Variants in CLSTN2 observed in about 807,000 individuals in gnomAD.
CLSTN2 encodes calsyntenin-2.
Under a neutral mutation model 101.2 loss-of-function variants are expected in CLSTN2, and 48 were observed. The observed-to-expected ratio is 0.47, with a 90% CI of 0.38 to 0.60. The LOEUF (loss-of-function observed/expected upper bound fraction) is 0.60. Ranked by LOEUF, CLSTN2 falls within the 20% of genes least tolerant of loss-of-function variation. CLSTN2 has a pLI of 0.00. For missense variants in CLSTN2, 1,160 were observed against 1,238.2 expected, an observed-to-expected ratio of 0.94 and a Z score of 0.95; for synonymous variants, 481 against 463.6, an observed-to-expected ratio of 1.04 and a Z score of -0.48.
At chr3:140,325,519 A>T (rs1178560575) in intron 2 of CLSTN2, among the ~76,000 whole-genome samples, 1 of 152,164 alleles carries the variant, frequency 6.6e-6, no homozygotes. Flanking sequence ...GTAAAAGTGG[A>T]GGTTCCTCTT....
At chr3:140,104,231 C>G (rs1388921303) in intron 1 of CLSTN2, among the ~76,000 whole-genome samples, 1 of 152,162 alleles carries the variant, frequency 6.6e-6, no homozygotes, top group Non-Finnish European at 1.5e-5. Flanking sequence ...ACAGACAGTT[C>G]CTCCCACCTG....
intron 1 of CLSTN2, among the ~76,000 whole-genome samples, chr3:139,946,860 C>A (rs1042312828): frequency 6.6e-6 from 1 of 152,194 alleles, no homozygotes; most frequent in Non-Finnish European, 1.5e-5. Context: ...CTGGAGATAA[C>A]TATGCACCCA....
At chr3:140,123,324 A>C (rs923877618) in intron 1 of CLSTN2, among the ~76,000 whole-genome samples, 1 of 152,090 alleles carries the variant, frequency 6.6e-6, no homozygotes, top group African/African-American at 2.4e-5. Context: ...TGAAGGGCCC[A>C]TCATGAACAC....
intron 1 of CLSTN2, among the ~76,000 whole-genome samples, chr3:139,953,665 C>T (rs1237764072): frequency 6.6e-6 from 1 of 152,204 alleles, no homozygotes; most frequent in Admixed American, 6.5e-5. Flanking sequence ...CCCTCTCCCT[C>T]AGGTGGGAGG....
chr3:140,476,315 T>C (rs1208330929), intron 8 of CLSTN2, among the ~76,000 whole-genome samples: 2 of 152,198 alleles, frequency 1.3e-5, no homozygotes, highest in South Asian at 4.1e-4. Flanking sequence ...GAACCAGCAT[T>C]TTTTCAGTTC....
chr3:140,528,220 A>G (rs1401898690), intron 8 of CLSTN2, among the ~76,000 whole-genome samples: 1 of 152,202 alleles, frequency 6.6e-6, no homozygotes, highest in Non-Finnish European at 1.5e-5. Flanking sequence ...ACTGAAAAGC[A>G]TGTTCCAAGA....
At chr3:140,021,513 G>A (rs921732101) in intron 1 of CLSTN2, among the ~76,000 whole-genome samples, 1 of 152,178 alleles carries the variant, frequency 6.6e-6, no homozygotes, top group African/African-American at 2.4e-5. Flanking sequence ...CCCTGTCAGA[G>A]TTAGAACCAC....
intron 1 of CLSTN2, among the ~76,000 whole-genome samples, chr3:140,059,718 A>G (rs2008164905): frequency 6.6e-6 from 1 of 152,196 alleles, no homozygotes; most frequent in Non-Finnish European, 1.5e-5. Context: ...AGCTGAAGTG[A>G]GCCTACTCCC....
intron 1 of CLSTN2, among the ~76,000 whole-genome samples, chr3:140,130,464 C>A (rs1312227739): frequency 1.3e-5 from 2 of 152,108 alleles, no homozygotes; most frequent in African/African-American, 4.8e-5. Context: ...GGACATCATG[C>A]CTTTAGGGAA....
At chr3:140,523,645 C>T (rs187586617) in intron 8 of CLSTN2, among the ~76,000 whole-genome samples, 1 of 152,330 alleles carries the variant, frequency 6.6e-6, no homozygotes, top group African/African-American at 2.4e-5. Flanking sequence ...CCTCACTTCA[C>T]ATGTGAGGCT....
chr3:140,412,290 C>G (rs891931461), intron 4 of CLSTN2, among the ~76,000 whole-genome samples: 1 of 152,214 alleles, frequency 6.6e-6, no homozygotes, highest in African/African-American at 2.4e-5. Context: ...ACTGGGATTA[C>G]AGGTGTGAGC....
At chr3:140,503,155 C>A (rs555516560) in intron 8 of CLSTN2, among the ~76,000 whole-genome samples, 8 of 152,272 alleles carry the variant, frequency 5.3e-5, no homozygotes, top group African/African-American at 1.9e-4. Context: ...CTTTGTGTAG[C>A]ATTGGACCCA....
At chr3:140,238,107 G>C (rs918825932) in intron 2 of CLSTN2, among the ~76,000 whole-genome samples, 2 of 152,158 alleles carry the variant, frequency 1.3e-5, no homozygotes, top group Non-Finnish European at 2.9e-5. Flanking sequence ...AATCATGGAT[G>C]CTTTTTAAGG....
chr3:140,348,498 G>A (rs77180832), intron 2 of CLSTN2, among the ~76,000 whole-genome samples: 5,540 of 152,166 alleles, frequency 0.036, 118 homozygotes, highest in South Asian at 0.073. Flanking sequence ...CCACCATCAG[G>A]CATCAGCATC....
At chr3:140,326,470 AG>A (rs887913330) in intron 2 of CLSTN2, among the ~76,000 whole-genome samples, 1 of 152,218 alleles carries the variant, frequency 6.6e-6, no homozygotes, top group African/African-American at 2.4e-5. Flanking sequence ...CATAGAACCA[AG>A]GGAAAAAGAA....
intron 1 of CLSTN2, among the ~76,000 whole-genome samples, chr3:140,141,325 G>A (rs966292709): frequency 2.0e-5 from 3 of 152,156 alleles, no homozygotes; most frequent in Non-Finnish European, 4.4e-5. Flanking sequence ...GTCCTGTTCT[G>A]CCTCTTGCTT....
chr3:140,264,376 ATATATATATATAT>A, intron 2 of CLSTN2, among the ~76,000 whole-genome samples: 2 of 842 alleles, frequency 2.4e-3, no homozygotes, highest in Admixed American at 7.5e-3. Context: ...AATGAATCAA[ATATATATATATAT>A]ATATATATAT....
At chr3:140,394,210 T>C (rs1454539787) in intron 2 of CLSTN2, among the ~76,000 whole-genome samples, 1 of 78,566 alleles carries the variant, frequency 1.3e-5, no homozygotes, top group Admixed American at 1.6e-4. Context: ...CTGATTGTCG[T>C]ATGATGACCA....
intron 2 of CLSTN2, among the ~76,000 whole-genome samples, chr3:140,218,889 G>A (rs2086235285): frequency 6.6e-6 from 1 of 152,146 alleles, no homozygotes; most frequent in South Asian, 2.1e-4. Context: ...GGTCATGTGA[G>A]GCAGGATTAA....
Sources: allele counts gnomAD v4.1 joint callset (sites outside exome capture counted in the v4.1 genomes callset), GRCh38; gene constraint gnomAD v4.1.1; transcripts MANE v1.5; gene names NCBI Gene and HGNC (gene_info 2026-07-23, HGNC 2026-07-21).